Variants in SH3BGRL2 observed in about 807,000 individuals in gnomAD.
The protein encoded by SH3BGRL2 is SH3 domain-binding glutamic acid-rich-like protein 2.
SH3BGRL2 carries 21 observed loss-of-function variants against 14.8 expected under a neutral mutation model. That is an observed-to-expected ratio of 1.42 (90% CI 1.01 to 2.05). The LOEUF (loss-of-function observed/expected upper bound fraction) is 2.05. SH3BGRL2 is among the 30% of genes most tolerant of loss of function. The pLI, the probability that SH3BGRL2 is intolerant of heterozygous loss-of-function variation, is 0.00. For synonymous variants in SH3BGRL2, 50 were observed against 47.8 expected, an observed-to-expected ratio of 1.05 and a Z score of -0.19; for missense variants, 147 against 130.8, an observed-to-expected ratio of 1.12 and a Z score of -0.61.
chr6:79,653,199 C>T (rs551287085), intron 1 of SH3BGRL2, among the ~76,000 whole-genome samples: 1 of 152,190 alleles, frequency 6.6e-6, no homozygotes, highest in African/African-American at 2.4e-5. Context: ...TCAAAAATTT[C>T]AAGCAAAAAA....
chr6:79,609,339 A>G, the SH3BGRL2 span, among the ~76,000 whole-genome samples: 1 of 152,168 alleles, frequency 6.6e-6, no homozygotes, highest in Admixed American at 6.5e-5. Context: ...TATTAGGCAA[A>G]CATCCAGATG....
intron 1 of SH3BGRL2, among the ~76,000 whole-genome samples, chr6:79,641,181 TGTGTGTGTG>T (rs1769027749): frequency 6.6e-6 from 1 of 150,568 alleles, no homozygotes; most frequent in Non-Finnish European, 1.5e-5. Flanking sequence ...TGTGTGTGTG[TGTGTGTGTG>T]TGTGTGGTTT....
rs142224954 is a variant in SH3BGRL2 at position 79,673,733 on chromosome 6, G to A, written c.165G>A (p.Pro55=). ...QRQWMYKNVP[P]EKKPTQGNPL... is the part of the protein sequence containing the mutation. ...AATGGATGTACAAAAACGTCCCCCC[G>A]GAAAAGAAACCCACTCAGGGCAACC... The change falls in exon 2 of 4, where the codon CCG becomes CCA. Residue 55 remains proline (P), a synonymous_variant. Transcript: ENST00000369838. 63 of 1,614,072 alleles carry A rather than the reference G, an allele frequency of 3.9e-5. No individual in the cohort carries two copies. The highest frequency in any genetic ancestry group is 2.7e-4 in the African/African-American group (20 of 75,014).
chr6:79,544,215 A>G, the SH3BGRL2 span, among the ~76,000 whole-genome samples: 8 of 152,174 alleles, frequency 5.3e-5, no homozygotes, highest in African/African-American at 1.9e-4. Flanking sequence ...CAGAACAACA[A>G]CAACAACAAA....
chr6:79,648,626 G>T (rs1419274794), intron 1 of SH3BGRL2, among the ~76,000 whole-genome samples: 2 of 151,746 alleles, frequency 1.3e-5, no homozygotes, highest in Non-Finnish European at 2.9e-5. Flanking sequence ...TGAGTTCTTA[G>T]TTCTTCACGG....
intron 1 of SH3BGRL2, among the ~76,000 whole-genome samples, chr6:79,633,320 T>C (rs896319559): frequency 6.6e-6 from 1 of 152,212 alleles, no homozygotes; most frequent in Non-Finnish European, 1.5e-5. Flanking sequence ...TTGCACACTC[T>C]AGCTTTAAAG....
In SH3BGRL2 at chr6:79,702,555, C is replaced by A. The variant is rs1020904780; in HGVS notation, c.*3046C>A. 6.6e-6 allele frequency: 1 copy of A among 152,238 alleles called. No individual in the cohort carries two copies. Among genetic ancestry groups the A allele is most frequent in the Non-Finnish European group, 1.5e-5 (1 of 68,046 alleles). 9.4% of individuals were successfully genotyped at this position (152,238 alleles called of 1,614,324 possible). A position where few individuals can be genotyped will look rare whatever the true frequency, so the allele number is the denominator to read the frequency against. On this transcript the variant is annotated 3_prime_UTR_variant, in exon 4 of 4. Coordinates refer to ENST00000369838, the MANE Select transcript of SH3BGRL2 (RefSeq NM_031469.4). ...GTTCCCTGCCATTTTTCACACCTCT[C>A]TTAATTTTAGTTCTGTTTAGTTGAG... is the stretch of plus-strand genomic sequence containing the variant.
intron 1 of SH3BGRL2, among the ~76,000 whole-genome samples, chr6:79,634,237 A>G (rs895774634): frequency 2.0e-5 from 3 of 152,204 alleles, no homozygotes; most frequent in Admixed American, 2.0e-4. Context: ...TGGAATAACT[A>G]ACACCAAGGA....
At chr6:79,565,695 A>G in the SH3BGRL2 span, among the ~76,000 whole-genome samples, 2 of 152,334 alleles carry the variant, frequency 1.3e-5, no homozygotes, top group Admixed American at 1.3e-4. Flanking sequence ...CATTGTGGCA[A>G]ACAATAATGC....
the SH3BGRL2 span, among the ~76,000 whole-genome samples, chr6:79,581,156 C>T: frequency 6.6e-6 from 1 of 152,018 alleles, no homozygotes; most frequent in Non-Finnish European, 1.5e-5. Flanking sequence ...AATAGCCTAC[C>T]AACCAAAAAA....
intron 1 of SH3BGRL2, among the ~76,000 whole-genome samples, chr6:79,653,683 G>A (rs1171654179): frequency 6.6e-6 from 1 of 152,176 alleles, no homozygotes; most frequent in Non-Finnish European, 1.5e-5. Context: ...AGTGAAGTGA[G>A]GAAAGAGATG....
chr6:79,696,904 A>G (rs768118645), intron 3 of SH3BGRL2, among the ~76,000 whole-genome samples: 7 of 152,112 alleles, frequency 4.6e-5, no homozygotes, highest in Non-Finnish European at 1.0e-4. Flanking sequence ...TTGAAATAGC[A>G]GACTCAGAGT....
intron 2 of SH3BGRL2, among the ~76,000 whole-genome samples, chr6:79,692,517 T>G (rs1049794837): frequency 3.3e-5 from 5 of 152,212 alleles, no homozygotes; most frequent in Non-Finnish European, 7.3e-5. Context: ...TTAATCCATC[T>G]TGAATTAATT....
the SH3BGRL2 span, among the ~76,000 whole-genome samples, chr6:79,613,105 C>T: frequency 1.3e-5 from 2 of 152,316 alleles, no homozygotes; most frequent in South Asian, 4.1e-4. Context: ...TGTGGGACAT[C>T]TCTACAGGCT....
intron 1 of SH3BGRL2, among the ~76,000 whole-genome samples, chr6:79,659,809 T>C (rs564746099): frequency 6.6e-6 from 1 of 152,338 alleles, no homozygotes; most frequent in Admixed American, 6.5e-5. Flanking sequence ...TCCTCTCTTA[T>C]TTCTTTGAGC....
At chr6:79,670,337 A>T (rs1769748062) in intron 1 of SH3BGRL2, among the ~76,000 whole-genome samples, 1 of 152,182 alleles carries the variant, frequency 6.6e-6, no homozygotes, top group Non-Finnish European at 1.5e-5. Context: ...ATTGCTTTGT[A>T]TGGTGTGTAG....
chr6:79,589,979 C>T, the SH3BGRL2 span, among the ~76,000 whole-genome samples: 1 of 151,988 alleles, frequency 6.6e-6, no homozygotes, highest in African/African-American at 2.4e-5. Flanking sequence ...GGCCATGTTG[C>T]CCAGGCTGAT....
the SH3BGRL2 span, among the ~76,000 whole-genome samples, chr6:79,580,134 C>T: frequency 0.23 from 34,486 of 152,002 alleles, 4,254 homozygotes; most frequent in African/African-American, 0.3. Flanking sequence ...ACAGGAGCAC[C>T]CAGATTCATA....
the SH3BGRL2 span, among the ~76,000 whole-genome samples, chr6:79,612,326 C>T: frequency 6.6e-6 from 1 of 152,026 alleles, no homozygotes; most frequent in Non-Finnish European, 1.5e-5. Context: ...AATCAAAAAA[C>T]CTCACCATCC....
Sources: allele counts gnomAD v4.1 joint callset (sites outside exome capture counted in the v4.1 genomes callset), GRCh38; gene constraint gnomAD v4.1.1; transcripts MANE v1.5; gene names NCBI Gene and HGNC (gene_info 2026-07-23, HGNC 2026-07-21).